The following ZNF280C variants were observed in gnomAD, a reference collection of about 807,000 sequenced individuals.
The protein encoded by ZNF280C is zinc finger protein 280C.
A neutral mutation model predicts 53.6 loss-of-function variants in ZNF280C; 14 were observed. The ratio of observed to expected loss-of-function variants is 0.26; its 90% confidence interval spans 0.17 to 0.41. The LOEUF (loss-of-function observed/expected upper bound fraction) is 0.41, where lower values mean the gene tolerates loss of function less well. Among genes scored for constraint, ZNF280C ranks in the 10% least tolerant of loss-of-function variants. The probability of loss-of-function intolerance (pLI) is 1.00; values close to 1 mark genes in which losing one functional copy is unlikely to be tolerated. For missense variants in ZNF280C, 416 were observed against 547.1 expected (o/e 0.76, Z 2.39); for synonymous variants, 203 against 181.1 (o/e 1.12, Z -0.97).
chrX:130,246,807 A>G, intron 3 of ZNF280C, 52 bp downstream of exon 3: 1 of 1,178,540 alleles, frequency 8.5e-7, no homozygotes, highest in Non-Finnish European at 1.1e-6. Context: ...TATATTTTCC[A>G]TTAGAAACAA....
chrX:130,245,791 T>TG (rs1425349345), intron 3 of ZNF280C, among the ~76,000 whole-genome samples: 1 of 109,949 alleles, frequency 9.1e-6, no homozygotes, highest in Non-Finnish European at 1.9e-5. Context: ...GGACTTTTTT[T>TG]TTTTCTTTTT....
chrX:130,205,891 A>C (rs1284211038), intron 16 of ZNF280C, among the ~76,000 whole-genome samples: 1 of 109,692 alleles, frequency 9.1e-6, no homozygotes, highest in Non-Finnish European at 1.9e-5. Flanking sequence ...AAAAAAAAAA[A>C]AAGGAAAAGA....
At chrX:130,221,739 A>G (rs1215901813) in intron 12 of ZNF280C, among the ~76,000 whole-genome samples, 3 of 111,936 alleles carry the variant, frequency 2.7e-5, no homozygotes, top group African/African-American at 9.8e-5. Context: ...CACTGCTACT[A>G]TACTTGTCTG....
At chrX:130,242,744 G>A (rs1398075896) in intron 5 of ZNF280C, among the ~76,000 whole-genome samples, 1 of 111,846 alleles carries the variant, frequency 8.9e-6, no homozygotes, top group Non-Finnish European at 1.9e-5. Flanking sequence ...GTTTCACCAC[G>A]TTTGCCAGAC....
At chrX:130,223,040 T>C (rs1341854442) in intron 12 of ZNF280C, among the ~76,000 whole-genome samples, 1 of 111,013 alleles carries the variant, frequency 9.0e-6, no homozygotes, top group East Asian at 2.8e-4. Context: ...ACATGCATAC[T>C]ATATGGTTTT....
chrX:130,224,755 G>A (rs1272067498), intron 12 of ZNF280C, among the ~76,000 whole-genome samples: 1 of 111,417 alleles, frequency 9.0e-6, no homozygotes, highest in African/African-American at 3.3e-5. Context: ...GAGTCTAAGA[G>A]CTTAGGTTTT....
At chrX:130,216,593 A>G (rs922082590) in intron 13 of ZNF280C, among the ~76,000 whole-genome samples, 3 of 112,343 alleles carry the variant, frequency 2.7e-5, no homozygotes, top group African/African-American at 6.5e-5. Flanking sequence ...TCCCTTCACC[A>G]ACCAGAATGG....
At chrX:130,216,522 CAA>C (rs1273307319) in intron 13 of ZNF280C, among the ~76,000 whole-genome samples, 1 of 111,949 alleles carries the variant, frequency 8.9e-6, no homozygotes, top group Non-Finnish European at 1.9e-5. Context: ...AATAAGCACA[CAA>C]AGAGATGGTC....
intron 16 of ZNF280C, among the ~76,000 whole-genome samples, chrX:130,208,293 C>T (rs2032001074): frequency 1.8e-5 from 2 of 111,079 alleles, no homozygotes; most frequent in East Asian, 2.8e-4. Context: ...CCACGCCCGG[C>T]GAATTTTTGT....
intron 15 of ZNF280C, among the ~76,000 whole-genome samples, chrX:130,211,544 G>A (rs2032041163): frequency 9.0e-6 from 1 of 111,407 alleles, no homozygotes; most frequent in Non-Finnish European, 1.9e-5. Flanking sequence ...GAGTGAGGGT[G>A]CACCATTCAG....
At chrX:130,262,147 T>C (rs1178520501) in intron 1 of ZNF280C, among the ~76,000 whole-genome samples, 3 of 112,026 alleles carry the variant, frequency 2.7e-5, no homozygotes, top group Non-Finnish European at 5.6e-5. Context: ...ATTGGTACGC[T>C]CATAAATGCT....
At position 130,229,119 on chromosome X, in the gene ZNF280C, C is replaced by A. The variant is rs766793810; in HGVS notation, c.1005G>T (p.Met335Ile). Residue 335 changes from methionine to isoleucine, a missense_variant, in exon 10 of 19, where the codon ATG becomes ATT. Physicochemically the swap from Met to Ile is conservative, Grantham distance 10. Coordinates refer to ENST00000370978, the MANE Select transcript of ZNF280C (RefSeq NM_017666.5). ...LKNNIRFMNH[M>I]KHHLELEKQN... Reference sequence around the variant, plus strand: ...GCTTCTCAAGTTCCAAGTGATGTTTCATGTGGTTCATAAACCTACAAACAA... The same window carrying A: ...GCTTCTCAAGTTCCAAGTGATGTTTAATGTGGTTCATAAACCTACAAACAA... The A allele has an allele frequency of 1.7e-6, 2 of 1,205,234 alleles. No homozygotes were observed. Among genetic ancestry groups the A allele is most frequent in the East Asian group, 3.0e-5 (1 of 33,804 alleles).
At chrX:130,259,345 A>G (rs1185317931) in intron 2 of ZNF280C, among the ~76,000 whole-genome samples, 1 of 112,401 alleles carries the variant, frequency 8.9e-6, no homozygotes, top group Non-Finnish European at 1.9e-5. Flanking sequence ...TAAAGAAACA[A>G]GGGAGACTCA....
At chrX:130,263,339 G>A (rs1348071315) in intron 1 of ZNF280C, among the ~76,000 whole-genome samples, 4 of 112,244 alleles carry the variant, frequency 3.6e-5, no homozygotes, top group Admixed American at 1.9e-4. Context: ...CAAACAAAAT[G>A]TGATATATCC....
At chrX:130,240,190 T>C (rs1490070590) in intron 5 of ZNF280C, among the ~76,000 whole-genome samples, 1 of 111,590 alleles carries the variant, frequency 9.0e-6, no homozygotes, top group East Asian at 2.8e-4. Flanking sequence ...TACTATCACA[T>C]AACATCATGT....
At chrX:130,260,544 AT>A (rs1364126815) in intron 1 of ZNF280C, 79 bp from the exon 2 acceptor site, 33 of 793,728 alleles carry the variant, frequency 4.2e-5, no homozygotes, top group Non-Finnish European at 5.7e-5. Context: ...GAAACCTGAG[AT>A]CCAAAATCTT....
intron 3 of ZNF280C, among the ~76,000 whole-genome samples, chrX:130,245,561 A>C (rs2032441265): frequency 8.9e-6 from 1 of 111,834 alleles, no homozygotes; most frequent in Non-Finnish European, 1.9e-5. Context: ...TTCCAAGTTT[A>C]GAGCCAAGAG....
At chrX:130,260,215 G>C (rs183732879) in intron 2 of ZNF280C, among the ~76,000 whole-genome samples, 1,330 of 111,044 alleles carry the variant, frequency 0.012, 10 homozygotes, top group Non-Finnish European at 0.018. Flanking sequence ...CCAGGAGGTG[G>C]AGCTTGCAGT....
intron 2 of ZNF280C, among the ~76,000 whole-genome samples, chrX:130,258,138 A>G (rs1225477528): frequency 9.0e-6 from 1 of 111,603 alleles, no homozygotes; most frequent in African/African-American, 3.3e-5. Flanking sequence ...AAAATAAATA[A>G]TAAATAATAA....
Sources: gnomAD v4.1 joint callset for allele counts (sites outside exome capture counted in the v4.1 genomes callset) on GRCh38, gnomAD v4.1.1 for gene constraint, MANE v1.5 for transcripts, NCBI Gene and HGNC (gene_info 2026-07-23, HGNC 2026-07-21) for gene names.